The following EYS variants were observed in gnomAD, a reference collection of about 807,000 sequenced individuals.
The protein encoded by EYS is EGF-like photoreceptor maintenance factor, also known as protein eyes shut homolog.
Under a neutral mutation model 282.1 loss-of-function variants are expected in EYS, and 250 were observed. The ratio of observed to expected loss-of-function variants is 0.89; its 90% confidence interval spans 0.80 to 0.98. The LOEUF is 0.98. EYS is among the 50% of genes least tolerant of loss of function. EYS has a pLI of 0.00. For synonymous variants in EYS, 1,355 were observed against 1,282.9 expected, an observed-to-expected ratio of 1.06 and a Z score of -1.20; for missense variants, 4,016 against 3,709.0, an observed-to-expected ratio of 1.08 and a Z score of -2.15.
chr6:65,324,405 C>T (rs1769561671), intron 11 of EYS, among the ~76,000 whole-genome samples: 1 of 152,100 alleles, frequency 6.6e-6, no homozygotes, highest in Non-Finnish European at 1.5e-5. Context: ...CACATCTTCA[C>T]CCTAAGTCCA....
intron 12 of EYS, among the ~76,000 whole-genome samples, chr6:65,285,496 T>C (rs1264848245): frequency 1.3e-5 from 2 of 151,966 alleles, no homozygotes; most frequent in Non-Finnish European, 2.9e-5. Context: ...TTTTGAAAAT[T>C]GTATAGATTA....
At chr6:64,393,591 C>A (rs1414224959) in intron 28 of EYS, among the ~76,000 whole-genome samples, 1 of 152,012 alleles carries the variant, frequency 6.6e-6, no homozygotes, top group South Asian at 2.1e-4. Context: ...ACCCTTCATG[C>A]TAAAAACTCT....
intron 24 of EYS, among the ~76,000 whole-genome samples, chr6:64,610,491 A>T (rs141725269): frequency 1.9e-4 from 29 of 150,310 alleles, no homozygotes; most frequent in Non-Finnish European, 4.0e-4. Context: ...GCCAGCTCCA[A>T]ATCCCCGGTT....
At chr6:65,692,421 A>C (rs1051274015) in intron 1 of EYS, among the ~76,000 whole-genome samples, 2 of 150,382 alleles carry the variant, frequency 1.3e-5, no homozygotes, top group Admixed American at 6.7e-5. Context: ...AATTAAAAAG[A>C]AGCAGAATAT....
chr6:64,156,370 G>A (rs1774922900), intron 31 of EYS, among the ~76,000 whole-genome samples: 1 of 151,808 alleles, frequency 6.6e-6, no homozygotes, highest in Admixed American at 6.6e-5. Context: ...GGAACTGTAA[G>A]TCCAATTAAA....
At chr6:64,102,370 A>G (rs1314183355) in intron 31 of EYS, among the ~76,000 whole-genome samples, 1 of 152,146 alleles carries the variant, frequency 6.6e-6, no homozygotes, top group Non-Finnish European at 1.5e-5. Context: ...TCAAGAGTGA[A>G]TTTTGGCAGA....
At chr6:65,055,656 A>C (rs1488554529) in intron 13 of EYS, among the ~76,000 whole-genome samples, 6 of 152,032 alleles carry the variant, frequency 3.9e-5, no homozygotes. Context: ...GATGACCTTA[A>C]CAGATTTGAG....
At chr6:64,650,987 G>A (rs1489640721) in intron 22 of EYS, among the ~76,000 whole-genome samples, 3 of 151,850 alleles carry the variant, frequency 2.0e-5, no homozygotes, top group Non-Finnish European at 4.4e-5. Context: ...TTATTGTCTG[G>A]CAACTCCTTA....
intron 2 of EYS, among the ~76,000 whole-genome samples, chr6:65,556,486 C>A (rs887084413): frequency 6.6e-6 from 1 of 151,454 alleles, no homozygotes; most frequent in Non-Finnish European, 1.5e-5. Flanking sequence ...TGAGATGTCT[C>A]ATTTTAATTA....
chr6:64,202,842 T>C (rs1057032518), intron 31 of EYS, among the ~76,000 whole-genome samples: 7 of 152,200 alleles, frequency 4.6e-5, no homozygotes, highest in African/African-American at 1.7e-4. Flanking sequence ...AGTCAAGGAA[T>C]GCTTTGGAGA....
chr6:65,339,668 G>A lies in EYS; in HGVS notation c.1599+4370C>T, dbSNP rs533057633. On this transcript the variant is annotated intron_variant, in intron 10 of 42. Transcript: ENST00000503581. Reference sequence around the variant, plus strand: ...GAAGACTGTTATACTTGATGTCACTGGAGAAGAGTTTGATCAATGAAATGT... The same window carrying A: ...GAAGACTGTTATACTTGATGTCACTAGAGAAGAGTTTGATCAATGAAATGT... Among the ~76,000 whole-genome samples, 11 of 151,214 alleles carry A rather than the reference G, an allele frequency of 7.3e-5. No individual in the cohort carries two copies. The South Asian group carries it at 2.1e-3, about 29-fold the overall frequency.
intron 12 of EYS, among the ~76,000 whole-genome samples, chr6:65,250,595 T>C (rs545036642): frequency 4.5e-4 from 68 of 152,090 alleles, no homozygotes; most frequent in Non-Finnish European, 8.4e-4. Context: ...CTCTGTTCTA[T>C]TTTTATCCCA....
intron 2 of EYS, among the ~76,000 whole-genome samples, chr6:65,527,257 C>T (rs887258972): frequency 6.6e-6 from 1 of 152,138 alleles, no homozygotes; most frequent in African/African-American, 2.4e-5. Context: ...CCTATATCAC[C>T]TCCCTAACTC....
At position 65,533,576 on chromosome 6, in the gene EYS, T is replaced by C. The variant is rs367682392; in HGVS notation, c.-332-37583A>G. 1.2e-4 allele frequency among the ~76,000 whole-genome samples: 19 copies of C among 152,158 alleles called. No individual in the cohort carries two copies. In the East Asian group the frequency reaches 3.3e-3, roughly 26 times the overall value. On this transcript the variant is annotated intron_variant, in intron 2 of 42. Transcript: ENST00000503581. The stretch of plus-strand genomic sequence containing the variant: ...ATATCCCTGATGAATATCCCTAATG[T>C]GGTGGTACTGAGAGATGTGAATTGG...
intron 29 of EYS, among the ~76,000 whole-genome samples, chr6:64,342,738 G>T (rs1479459262): frequency 6.6e-6 from 1 of 151,890 alleles, no homozygotes; most frequent in African/African-American, 2.4e-5. Flanking sequence ...ATGTAAATGG[G>T]ATAAATGCTC....
Position 65,141,957 on chromosome 6 carries a change from A to G in EYS, c.2024-84230T>C, listed in dbSNP as rs143382026. Among the ~76,000 whole-genome samples, 25 of 152,170 alleles carry G rather than the reference A, an allele frequency of 1.6e-4. No homozygotes were observed. In the East Asian group the frequency reaches 4.5e-3, roughly 27 times the overall value. The stretch of plus-strand genomic sequence containing the variant: ...AGTTTGGTAAACAGAAAGAAATGAT[A>G]AAAGAATGAACCTTGGAACCCCAAG... On this transcript the variant is annotated intron_variant, in intron 12 of 42. Transcript: ENST00000503581.
chr6:64,518,163 A>T (rs1260144573), intron 26 of EYS, among the ~76,000 whole-genome samples: 1 of 151,822 alleles, frequency 6.6e-6, no homozygotes, highest in Non-Finnish European at 1.5e-5. Context: ...AGTGTAACAA[A>T]GTGACAAATT....
At chr6:65,687,410 T>A (rs541060276) in intron 1 of EYS, among the ~76,000 whole-genome samples, 1 of 152,154 alleles carries the variant, frequency 6.6e-6, no homozygotes, top group South Asian at 2.1e-4. Flanking sequence ...TAGGGACATA[T>A]CAAGGTCAAA....
intron 31 of EYS, among the ~76,000 whole-genome samples, chr6:64,184,613 G>GAAA: frequency 7.0e-6 from 1 of 142,540 alleles, no homozygotes; most frequent in African/African-American, 2.5e-5. Flanking sequence ...CTTCTGGAAG[G>GAAA]CTAACACTTG....
Sources: allele counts gnomAD v4.1 joint callset (sites outside exome capture counted in the v4.1 genomes callset), GRCh38; gene constraint gnomAD v4.1.1; transcripts MANE v1.5; gene names NCBI Gene and HGNC (gene_info 2026-07-23, HGNC 2026-07-21).